CCSER1: variants seen among roughly 807,000 people sequenced by gnomAD.
The protein encoded by CCSER1 is serine-rich coiled-coil domain-containing protein 1.
A neutral mutation model predicts 82.0 loss-of-function variants in CCSER1; 41 were observed. That is an observed-to-expected ratio of 0.50 (90% CI 0.39 to 0.65). The LOEUF is 0.65. CCSER1 is among the 30% of genes least tolerant of loss of function. The pLI is 0.00. For synonymous variants in CCSER1, 414 were observed against 383.9 expected (o/e 1.08, Z -0.92); for missense variants, 1,119 against 1,064.2 (o/e 1.05, Z -0.72).
At chr4:90,587,215 G>C (rs1474188511) in intron 5 of CCSER1, among the ~76,000 whole-genome samples, 1 of 152,200 alleles carries the variant, frequency 6.6e-6, no homozygotes, top group Non-Finnish European at 1.5e-5. Flanking sequence ...AGACCAGTGA[G>C]ACCTCTGTCA....
At chr4:91,095,016 G>A (rs527377330) in intron 10 of CCSER1, among the ~76,000 whole-genome samples, 18 of 152,248 alleles carry the variant, frequency 1.2e-4, no homozygotes, top group African/African-American at 2.9e-4. Context: ...CCTGCTTGGC[G>A]GAGACTCCCG....
At chr4:91,043,398 C>T (rs1464503923) in intron 9 of CCSER1, among the ~76,000 whole-genome samples, 1 of 151,772 alleles carries the variant, frequency 6.6e-6, no homozygotes, top group Non-Finnish European at 1.5e-5. Flanking sequence ...GAATATAATC[C>T]AGCAGGGTCC....
chr4:90,792,047 AC>A (rs1476645683), intron 7 of CCSER1, among the ~76,000 whole-genome samples: 1 of 152,188 alleles, frequency 6.6e-6, no homozygotes, highest in Non-Finnish European at 1.5e-5. Flanking sequence ...ATGTTGTGTA[AC>A]TATAATCTGT....
At chr4:90,805,589 C>T (rs1428194300) in intron 7 of CCSER1, among the ~76,000 whole-genome samples, 1 of 152,128 alleles carries the variant, frequency 6.6e-6, no homozygotes, top group Non-Finnish European at 1.5e-5. Context: ...CATTAGACTC[C>T]ACTTTTCAAT....
Position 90,287,758 on chromosome 4 carries a change from C to T in CCSER1, c.-41-20486C>T, listed in dbSNP as rs1057286321. ...ATTTTTAAAGAGTCTATTTTAGGAACATTTTGCTTTAAATATGAAAAAGAA... is the reference window on the plus strand; with the variant it reads ...ATTTTTAAAGAGTCTATTTTAGGAATATTTTGCTTTAAATATGAAAAAGAA... On this transcript the variant is annotated intron_variant, in intron 1 of 10. Coordinates refer to ENST00000509176, the MANE Select transcript of CCSER1 (RefSeq NM_001145065.2). 8.6e-5 allele frequency among the ~76,000 whole-genome samples: 13 copies of T among 151,922 alleles called. 2 individuals carry two copies. Among genetic ancestry groups the T allele is most frequent in the Admixed American group, 5.9e-4 (9 of 15,208 alleles).
chr4:90,796,276 C>T (rs1756010176), intron 7 of CCSER1, among the ~76,000 whole-genome samples: 8 of 151,546 alleles, frequency 5.3e-5, no homozygotes, highest in Admixed American at 5.3e-4. Context: ...AGTTTATGTT[C>T]ATAGAGGTAT....
chr4:90,314,795 A>G (rs1386830987), intron 3 of CCSER1, among the ~76,000 whole-genome samples: 1 of 150,100 alleles, frequency 6.7e-6, no homozygotes, highest in African/African-American at 2.4e-5. Context: ...AAATGTAAAA[A>G]GTGCTTCTTA....
chr4:91,148,179 C>T (rs1368636591), intron 10 of CCSER1, among the ~76,000 whole-genome samples: 1 of 152,078 alleles, frequency 6.6e-6, no homozygotes, highest in Non-Finnish European at 1.5e-5. Flanking sequence ...CATAGCAACC[C>T]TTAAAGATAA....
intron 8 of CCSER1, among the ~76,000 whole-genome samples, chr4:90,876,176 GA>G (rs1459431533): frequency 6.6e-6 from 1 of 151,902 alleles, no homozygotes; most frequent in Non-Finnish European, 1.5e-5. Flanking sequence ...TAGAAGACCA[GA>G]AAAGCTGTCT....
At chr4:91,087,910 G>A (rs183356575) in intron 10 of CCSER1, among the ~76,000 whole-genome samples, 2 of 152,152 alleles carry the variant, frequency 1.3e-5, no homozygotes, top group Admixed American at 6.5e-5. Context: ...CTTCAGGGAG[G>A]TATAAGACAA....
chr4:90,686,219 C>T (rs1411360708), intron 6 of CCSER1, among the ~76,000 whole-genome samples: 1 of 152,034 alleles, frequency 6.6e-6, no homozygotes, highest in African/African-American at 2.4e-5. Context: ...TTCATCCACC[C>T]CTCTCTCTCG....
In CCSER1 at chr4:91,605,085, G is replaced by C. The variant is rs1179864940; in HGVS notation, c.*6028G>C. 1.3e-5 allele frequency: 2 copies of C among 151,774 alleles called. No individual in the cohort carries two copies. Among genetic ancestry groups the C allele is most frequent in the African/African-American group, 4.8e-5 (2 of 41,356 alleles). 9.4% of individuals were successfully genotyped at this position (151,774 alleles called of 1,614,324 possible). ...ACTTTAGTGAGAAAGATAATAAATA[G>C]AAAATTACCCTGGAAATTAAAATTT... On this transcript the variant is annotated 3_prime_UTR_variant, in exon 11 of 11. Coordinates refer to ENST00000509176, the MANE Select transcript of CCSER1 (RefSeq NM_001145065.2).
intron 6 of CCSER1, among the ~76,000 whole-genome samples, chr4:90,658,819 G>T (rs1730202608): frequency 6.6e-6 from 1 of 152,138 alleles, no homozygotes; most frequent in Non-Finnish European, 1.5e-5. Context: ...AATTTAGTAT[G>T]GGACCATTGA....
intron 10 of CCSER1, among the ~76,000 whole-genome samples, chr4:91,194,552 A>G (rs967724386): frequency 1.3e-5 from 2 of 152,166 alleles, no homozygotes; most frequent in African/African-American, 4.8e-5. Flanking sequence ...GAGAAAAAAA[A>G]TTATTGATTG....
chr4:91,164,808 G>C (rs1731852452), intron 10 of CCSER1, among the ~76,000 whole-genome samples: 1 of 152,036 alleles, frequency 6.6e-6, no homozygotes. Flanking sequence ...TCTCCACACT[G>C]TTCATTCTAG....
intron 1 of CCSER1, among the ~76,000 whole-genome samples, chr4:90,280,372 C>T (rs981550599): frequency 6.6e-6 from 1 of 151,790 alleles, no homozygotes; most frequent in East Asian, 1.9e-4. Flanking sequence ...TCATTTCTCC[C>T]TTCCCTCCCT....
chr4:90,532,371 G>A (rs184245250), intron 5 of CCSER1, among the ~76,000 whole-genome samples: 1 of 151,888 alleles, frequency 6.6e-6, no homozygotes, highest in East Asian at 1.9e-4. Flanking sequence ...TTTTTCTTTG[G>A]CTTCTGTGAT....
chr4:90,137,466 G>A (rs1011766133), intron 1 of CCSER1, among the ~76,000 whole-genome samples: 1 of 152,092 alleles, frequency 6.6e-6, no homozygotes, highest in Non-Finnish European at 1.5e-5. Flanking sequence ...AGGGGATAAA[G>A]ACCCCAGAGT....
intron 10 of CCSER1, among the ~76,000 whole-genome samples, chr4:91,453,481 G>T (rs948217116): frequency 1.3e-5 from 2 of 151,892 alleles, no homozygotes; most frequent in African/African-American, 4.8e-5. Context: ...ACTTTTTCCA[G>T]AGCACTTTTC....
Sources: allele counts gnomAD v4.1 joint callset (sites outside exome capture counted in the v4.1 genomes callset), GRCh38; gene constraint gnomAD v4.1.1; transcripts MANE v1.5; gene names NCBI Gene and HGNC (gene_info 2026-07-23, HGNC 2026-07-21).